The following DIAPH3 variants were observed in gnomAD, a reference collection of about 807,000 sequenced individuals.
DIAPH3 encodes the protein diaphanous related formin 3.
In DIAPH3, 117 loss-of-function variants were observed where a neutral mutation model predicts 144.3. The observed-to-expected ratio is 0.81, with a 90% CI of 0.70 to 0.95. The LOEUF is 0.95. Ranked by LOEUF, DIAPH3 falls within the 40% of genes least tolerant of loss-of-function variation. DIAPH3 has a pLI of 0.00. For missense variants in DIAPH3, 1,421 were observed against 1,412.7 expected, an observed-to-expected ratio of 1.01 and a Z score of -0.09; for synonymous variants, 519 against 488.9, an observed-to-expected ratio of 1.06 and a Z score of -0.81.
At chr13:59,813,509 T>A (rs2040598512) in intron 24 of DIAPH3, among the ~76,000 whole-genome samples, 1 of 152,072 alleles carries the variant, frequency 6.6e-6, no homozygotes, top group Admixed American at 6.6e-5. Context: ...TATTGCTTCA[T>A]ATTATGGTCA....
intron 4 of DIAPH3, among the ~76,000 whole-genome samples, chr13:60,065,060 A>T (rs1487158793): frequency 6.6e-6 from 1 of 152,152 alleles, no homozygotes; most frequent in Non-Finnish European, 1.5e-5. Context: ...AACAATTACA[A>T]AAGTAACATC....
intron 1 of DIAPH3, among the ~76,000 whole-genome samples, chr13:60,149,140 C>T (rs1951666826): frequency 6.6e-6 from 1 of 152,296 alleles, no homozygotes; most frequent in Admixed American, 6.5e-5. Context: ...GTAAACATTT[C>T]AGCACCATTA....
chr13:59,884,634 C>A lies in DIAPH3; in HGVS notation c.2368-5166G>T, dbSNP rs185766929. ...GAAAGTAATGTGATCTAATACATCA[C>A]AGAATTAAGACACTAGAGAAAAAAT... is the stretch of plus-strand genomic sequence containing the variant. On this transcript the variant is annotated intron_variant, in intron 20 of 27. Coordinates refer to ENST00000400324, the MANE Select transcript of DIAPH3 (RefSeq NM_001042517.2). Among the ~76,000 whole-genome samples the A allele has an allele frequency of 4.6e-5, 7 of 152,128 alleles. No homozygotes were observed. In the East Asian group the frequency reaches 1.4e-3, roughly 29 times the overall value.
intron 27 of DIAPH3, among the ~76,000 whole-genome samples, chr13:59,699,167 T>C (rs1225975957): frequency 6.6e-6 from 1 of 152,188 alleles, no homozygotes; most frequent in Non-Finnish European, 1.5e-5. Flanking sequence ...GTCAGTACAT[T>C]GGAGAAAAAG....
intron 3 of DIAPH3, among the ~76,000 whole-genome samples, chr13:60,100,786 A>G (rs1035375110): frequency 3.3e-5 from 5 of 152,194 alleles, no homozygotes; most frequent in East Asian, 1.9e-4. Context: ...TTAAAAAAAA[A>G]AAGAAGTTTT....
At chr13:59,868,528 G>A (rs1231850087) in intron 21 of DIAPH3, among the ~76,000 whole-genome samples, 1 of 152,112 alleles carries the variant, frequency 6.6e-6, no homozygotes, top group Non-Finnish European at 1.5e-5. Flanking sequence ...TTACATTAGT[G>A]TGGTACATTT....
At chr13:60,067,016 C>T (rs1380162792) in intron 4 of DIAPH3, among the ~76,000 whole-genome samples, 3 of 152,132 alleles carry the variant, frequency 2.0e-5, no homozygotes, top group African/African-American at 7.2e-5. Context: ...AGGTGGCTCA[C>T]GCCTATAATC....
chr13:59,780,297 G>A (rs2038668002), intron 25 of DIAPH3, among the ~76,000 whole-genome samples: 1 of 152,146 alleles, frequency 6.6e-6, no homozygotes, highest in African/African-American at 2.4e-5. Context: ...GTTAGGGACT[G>A]TAGAGGGAAT....
At chr13:59,782,870 G>C (rs1168895779) in intron 25 of DIAPH3, among the ~76,000 whole-genome samples, 4 of 152,196 alleles carry the variant, frequency 2.6e-5, no homozygotes, top group Non-Finnish European at 5.9e-5. Flanking sequence ...CAGGAAAGCT[G>C]TACAAGGCAG....
At chr13:60,040,456 C>T (rs1037204960) in intron 5 of DIAPH3, among the ~76,000 whole-genome samples, 1 of 151,974 alleles carries the variant, frequency 6.6e-6, no homozygotes, top group South Asian at 2.1e-4. Flanking sequence ...TTCAAATGAA[C>T]AAGACACAGC....
rs1037832135 is a variant in DIAPH3 at position 60,008,566 on chromosome 13, C to T, written c.992G>A (p.Arg331Gln). ...DRFFCIVEGL[R>Q]HNSVQLQVAC... The stretch of plus-strand genomic sequence containing the variant: ...TACTTGCAGTTGAACTGAATTGTGC[C>T]GGAGGCCTTCCACAATACAAAAAAA... The change falls in exon 9 of 28, where the codon CGG (arginine) becomes CAG (glutamine). Residue 331 changes from arginine (R) to glutamine (Q), a missense_variant. Coordinates refer to ENST00000400324, the MANE Select transcript of DIAPH3 (RefSeq NM_001042517.2). 20 of 1,613,046 alleles carry T rather than the reference C, an allele frequency of 1.2e-5. No individual in the cohort carries two copies. The highest frequency in any genetic ancestry group is 6.7e-5 in the East Asian group (3 of 44,826).
At chr13:59,690,188 T>C (rs1334232099) in intron 27 of DIAPH3, among the ~76,000 whole-genome samples, 3 of 152,148 alleles carry the variant, frequency 2.0e-5, no homozygotes, top group Non-Finnish European at 2.9e-5. Context: ...CTAATTTCAT[T>C]TGTCTGTGAG....
At chr13:59,756,513 GTAGT>G (rs2037281749) in intron 27 of DIAPH3, among the ~76,000 whole-genome samples, 16 of 133,462 alleles carry the variant, frequency 1.2e-4, no homozygotes, top group Non-Finnish European at 2.3e-4. Context: ...AGGCAGGCAG[GTAGT>G]CAGGCAGGCA....
chr13:59,992,201 T>A lies in DIAPH3; in HGVS notation c.1126-15A>T. ...CATTTTAAATTCTAGAGATATGAAA[T>A]AGAAATTATGATGAATGATTTTGTT... On this transcript the variant is annotated splice_polypyrimidine_tract_variant and intron_variant, in intron 10 of 27. Transcript: ENST00000400324. 5.6e-6 allele frequency: 8 copies of A among 1,437,804 alleles called. No individual in the cohort carries two copies. Among genetic ancestry groups the A allele is most frequent in the African/African-American group, 1.4e-5 (1 of 71,476 alleles). 89.1% of individuals were successfully genotyped at this position (1,437,804 alleles called of 1,614,324 possible).
intron 9 of DIAPH3, among the ~76,000 whole-genome samples, chr13:60,004,414 G>A (rs935183178): frequency 6.6e-6 from 1 of 152,140 alleles, no homozygotes; most frequent in Non-Finnish European, 1.5e-5. Context: ...GCAGAAAAGA[G>A]TATCTATGTT....
chr13:60,074,486 T>G (rs372688829), intron 4 of DIAPH3, among the ~76,000 whole-genome samples: 4 of 151,868 alleles, frequency 2.6e-5, no homozygotes, highest in African/African-American at 9.7e-5. Flanking sequence ...CATTATCCTT[T>G]GTGTGTGTGT....
chr13:59,991,293 A>G lies in DIAPH3; in HGVS notation c.1245-19T>C. 6 of 1,490,836 alleles carry G rather than the reference A, an allele frequency of 4.0e-6. No homozygotes were observed. The highest frequency in any genetic ancestry group is 5.6e-6 in the Non-Finnish European group (6 of 1,069,556). The allele number at this position is 1,490,836 out of a possible 1,614,324, so 92.4% of individuals were successfully genotyped here. ...TGCTTCAGTGAGTTGATTAAGGAAT[A>G]TATGGATTTATTTATACTCTACACC... On this transcript the variant is annotated intron_variant, in intron 11 of 27. Transcript: ENST00000400324.
intron 2 of DIAPH3, among the ~76,000 whole-genome samples, chr13:60,121,523 A>G (rs2138147098): frequency 6.6e-6 from 1 of 152,368 alleles, no homozygotes; most frequent in East Asian, 1.9e-4. Context: ...AACAGGTTGT[A>G]TACTCTGATG....
At chr13:60,014,785 A>C (rs1253505261) in intron 7 of DIAPH3, among the ~76,000 whole-genome samples, 1 of 152,156 alleles carries the variant, frequency 6.6e-6, no homozygotes, top group Non-Finnish European at 1.5e-5. Flanking sequence ...ACAGCAACTT[A>C]AACACCTATC....
Sources: gnomAD v4.1 joint callset for allele counts (sites outside exome capture counted in the v4.1 genomes callset) on GRCh38, gnomAD v4.1.1 for gene constraint, MANE v1.5 for transcripts, NCBI Gene and HGNC (gene_info 2026-07-23, HGNC 2026-07-21) for gene names.